Variants in GALNT13 observed in about 807,000 individuals in gnomAD.
The protein encoded by GALNT13 is polypeptide N-acetylgalactosaminyltransferase 13.
In GALNT13, 28 loss-of-function variants were observed where a neutral mutation model predicts 64.2. The ratio of observed to expected loss-of-function variants is 0.44; its 90% CI spans 0.32 to 0.60. The LOEUF is 0.60. Among genes scored for constraint, GALNT13 ranks in the 20% least tolerant of loss-of-function variants. The probability of loss-of-function intolerance (pLI) is 0.05; values close to 1 mark genes in which losing one functional copy is unlikely to be tolerated. For missense variants in GALNT13, 577 were observed against 669.8 expected, an observed-to-expected ratio of 0.86 and a Z score of 1.53; for synonymous variants, 214 against 224.6, an observed-to-expected ratio of 0.95 and a Z score of 0.42.
At chr2:153,759,082 T>C in the GALNT13 span, among the ~76,000 whole-genome samples, 2 of 152,206 alleles carry the variant, frequency 1.3e-5, no homozygotes, top group Admixed American at 6.6e-5. Context: ...ATATATTTCT[T>C]CATTTCTGTT....
chr2:154,017,506 A>C (rs979353672), intron 3 of GALNT13, among the ~76,000 whole-genome samples: 7 of 152,140 alleles, frequency 4.6e-5, no homozygotes, highest in Non-Finnish European at 8.8e-5. Context: ...CTTACTTAAA[A>C]TTTTGTTCTT....
At chr2:153,555,275 A>G in the GALNT13 span, among the ~76,000 whole-genome samples, 1 of 103,152 alleles carries the variant, frequency 9.7e-6, no homozygotes, top group Non-Finnish European at 2.0e-5. Context: ...GCTCACTGCA[A>G]GCTCCGCCTC....
the GALNT13 span, among the ~76,000 whole-genome samples, chr2:153,156,156 T>C: frequency 6.6e-6 from 1 of 152,208 alleles, no homozygotes; most frequent in Non-Finnish European, 1.5e-5. Flanking sequence ...CTTCTGATTA[T>C]ATGATTGATT....
At chr2:154,001,784 CAT>C (rs1263537512) in intron 3 of GALNT13, among the ~76,000 whole-genome samples, 1 of 151,954 alleles carries the variant, frequency 6.6e-6, no homozygotes, top group Non-Finnish European at 1.5e-5. Flanking sequence ...TGTTTTGATA[CAT>C]GTTAGAATGT....
At chr2:154,377,907 G>A (rs1056013982) in intron 9 of GALNT13, among the ~76,000 whole-genome samples, 5 of 152,096 alleles carry the variant, frequency 3.3e-5, no homozygotes, top group African/African-American at 9.7e-5. Flanking sequence ...AGAGTTTAGT[G>A]TTTTGATCAT....
chr2:154,147,176 T>A (rs547813127), intron 4 of GALNT13, among the ~76,000 whole-genome samples: 2 of 152,060 alleles, frequency 1.3e-5, no homozygotes, highest in East Asian at 3.9e-4. Flanking sequence ...GAACTCCACA[T>A]TTCTCCAGCC....
At chr2:153,488,491 A>C in the GALNT13 span, among the ~76,000 whole-genome samples, 1 of 152,188 alleles carries the variant, frequency 6.6e-6, no homozygotes. Context: ...CTTTAACCTT[A>C]ATAGTCACCA....
intron 10 of GALNT13, among the ~76,000 whole-genome samples, chr2:154,400,163 A>G (rs151078390): frequency 1.2e-4 from 19 of 152,300 alleles, no homozygotes; most frequent in African/African-American, 4.3e-4. Context: ...CATTTTCTAA[A>G]GCTTTTTCCT....
chr2:154,438,450 G>T, intron 11 of GALNT13, 142 bp from the exon 12 acceptor site: 1 of 558,672 alleles, frequency 1.8e-6, no homozygotes, highest in Non-Finnish European at 3.1e-6. Context: ...TCAAAGAGAT[G>T]AATTAGCTTT....
At chr2:153,955,756 TGTTACAGCTCTGGTGGG>T (rs554035141) in intron 3 of GALNT13, among the ~76,000 whole-genome samples, 279 of 152,258 alleles carry the variant, frequency 1.8e-3, no homozygotes, top group Non-Finnish European at 2.9e-3. Context: ...TATTGAACAG[TGTTACAGCTCTGGTGGG>T]GTTACAGCTC....
the GALNT13 span, among the ~76,000 whole-genome samples, chr2:153,366,752 C>G: frequency 6.6e-6 from 1 of 150,772 alleles, no homozygotes; most frequent in Non-Finnish European, 1.5e-5. Flanking sequence ...CACACACACA[C>G]ACACACACAC....
At chr2:154,369,235 C>A (rs1446868202) in intron 9 of GALNT13, among the ~76,000 whole-genome samples, 1 of 151,798 alleles carries the variant, frequency 6.6e-6, no homozygotes, top group East Asian at 1.9e-4. Context: ...TTGGGAGAGG[C>A]AGCATGGCAC....
the GALNT13 span, among the ~76,000 whole-genome samples, chr2:153,740,898 CTT>C: frequency 6.6e-6 from 1 of 152,104 alleles, no homozygotes; most frequent in South Asian, 2.1e-4. Flanking sequence ...CAATATTCCT[CTT>C]TTACTTTCCG....
the GALNT13 span, among the ~76,000 whole-genome samples, chr2:153,086,185 G>A: frequency 6.6e-6 from 1 of 152,242 alleles, no homozygotes; most frequent in Non-Finnish European, 1.5e-5. Context: ...TGATTTTACA[G>A]GCTCATAAGG....
chr2:153,701,153 A>G, the GALNT13 span, among the ~76,000 whole-genome samples: 1 of 152,122 alleles, frequency 6.6e-6, no homozygotes, highest in African/African-American at 2.4e-5. Flanking sequence ...AGACATAAAC[A>G]CCAATGGAAC....
intron 9 of GALNT13, among the ~76,000 whole-genome samples, chr2:154,377,056 T>G (rs1698032940): frequency 6.6e-6 from 1 of 152,164 alleles, no homozygotes; most frequent in Non-Finnish European, 1.5e-5. Context: ...AGATATATCT[T>G]TATAATTCTA....
At chr2:153,076,387 T>G in the GALNT13 span, among the ~76,000 whole-genome samples, 2 of 152,174 alleles carry the variant, frequency 1.3e-5, no homozygotes, top group African/African-American at 4.8e-5. Context: ...TTTAAATGTA[T>G]TTTCCCAGTA....
chr2:153,541,422 G>C, the GALNT13 span, among the ~76,000 whole-genome samples: 1 of 152,120 alleles, frequency 6.6e-6, no homozygotes, highest in African/African-American at 2.4e-5. Context: ...CTAATCGACT[G>C]ACTTTCTCTT....
the GALNT13 span, among the ~76,000 whole-genome samples, chr2:153,255,169 T>A: frequency 2.0e-5 from 3 of 150,534 alleles, no homozygotes; most frequent in Non-Finnish European, 3.0e-5. Context: ...TGGGTGCATA[T>A]ATATTTAGGA....
Sources: gnomAD v4.1 joint callset for allele counts (sites outside exome capture counted in the v4.1 genomes callset) on GRCh38, gnomAD v4.1.1 for gene constraint, MANE v1.5 for transcripts, NCBI Gene and HGNC (gene_info 2026-07-23, HGNC 2026-07-21) for gene names.